Variants in ATF6 observed in about 807,000 individuals in gnomAD.
ATF6 encodes activating transcription factor 6.
In ATF6, 53 loss-of-function variants were observed where a neutral mutation model predicts 83.6. The ratio of observed to expected loss-of-function variants is 0.63; its 90% CI spans 0.51 to 0.80. ATF6 has a LOEUF of 0.80. Ranked by LOEUF, ATF6 falls within the 30% of genes least tolerant of loss-of-function variation. ATF6 has a pLI of 0.00. For synonymous variants in ATF6, 288 were observed against 285.8 expected, an observed-to-expected ratio of 1.01 and a Z score of -0.08; for missense variants, 744 against 797.9, an observed-to-expected ratio of 0.93 and a Z score of 0.81.
At chr1:161,905,157 C>T (rs528650582) in intron 14 of ATF6, among the ~76,000 whole-genome samples, 1 of 152,106 alleles carries the variant, frequency 6.6e-6, no homozygotes, top group African/African-American at 2.4e-5. Flanking sequence ...TTCTCCCCTT[C>T]CAGAAATTTG....
Position 161,912,353 on chromosome 1 carries a change from A to G in ATF6, c.1777A>G (p.Ile593Val), listed in dbSNP as rs146909535. ...CAAGACCACAAGACCAAAAATGTCA[A>G]TTGTGTTACCAGCAATAAACATAAA... is the stretch of plus-strand genomic sequence containing the variant. ...HNKTTRPKMSIVLPAININEN... is the reference protein window; with the variant it reads ...HNKTTRPKMSVVLPAININEN... Residue 593 changes from isoleucine to valine, a missense_variant, in exon 15 of 16, where the codon ATT (isoleucine) becomes GTT (valine). Ile to Val is a conservative substitution (Grantham distance 29). Transcript: ENST00000367942. 42 of 1,611,102 alleles carry G rather than the reference A, an allele frequency of 2.6e-5. No homozygotes were observed. Among genetic ancestry groups the G allele is most frequent in the African/African-American group, 5.3e-5 (4 of 74,846 alleles).
Position 161,793,103 on chromosome 1 carries a change from TAAACACCAATG to T in ATF6, c.688+777_688+787del, listed in dbSNP as rs1684922769. ...GCGATAATGGGGTATGGGTTGTAAATAAACACCAATGTTACATTTGTACTGTATCTCCAATT... is the reference window on the plus strand; with the variant it reads ...GCGATAATGGGGTATGGGTTGTAAATTTACATTTGTACTGTATCTCCAATT... On this transcript the variant is annotated intron_variant, in intron 6 of 15. Transcript: ENST00000367942. 3.9e-5 allele frequency among the ~76,000 whole-genome samples: 6 copies of T among 152,212 alleles called. 1 individual carries two copies. The highest frequency in any genetic ancestry group is 3.9e-4 in the Admixed American group (6 of 15,288).
rs540020432 is a variant in ATF6, at chr1:161,820,338, T to C, written c.1095+520T>C. On this transcript the variant is annotated intron_variant, in intron 8 of 15. Transcript: ENST00000367942. ...AATGGGGCTTCTTACACTCTTTTTC[T>C]CTTGGCCCTGAGTACATGGGAATAC... Among the ~76,000 whole-genome samples, 3 of 152,316 alleles carry C rather than the reference T, an allele frequency of 2.0e-5. No homozygotes were observed. The East Asian group carries it at 5.8e-4, about 29-fold the overall frequency.
At chr1:161,877,566 T>C (rs1000278552) in intron 14 of ATF6, among the ~76,000 whole-genome samples, 1 of 151,870 alleles carries the variant, frequency 6.6e-6, no homozygotes, top group Non-Finnish European at 1.5e-5. Context: ...GTTTGGGAGA[T>C]TGGAAGGGGC....
chr1:161,804,540 T>G (rs1378160879), intron 7 of ATF6, among the ~76,000 whole-genome samples: 3 of 152,188 alleles, frequency 2.0e-5, no homozygotes, highest in Non-Finnish European at 2.9e-5. Context: ...GGTTGTTATG[T>G]GGAAAATAGA....
At chr1:161,851,644 C>T (rs1268008929) in intron 10 of ATF6, 78 bp from the exon 11 acceptor site, 11 of 926,882 alleles carry the variant, frequency 1.2e-5, no homozygotes, top group Non-Finnish European at 1.9e-5. Context: ...AAAGTTAACA[C>T]TAATGATGAT....
intron 9 of ATF6, among the ~76,000 whole-genome samples, chr1:161,836,899 A>G (rs1019719429): frequency 3.9e-5 from 6 of 152,188 alleles, no homozygotes; most frequent in Non-Finnish European, 7.3e-5. Context: ...TCTGCTTTCT[A>G]CCTAGTGAGA....
chr1:161,911,561 A>G (rs1049508364), intron 14 of ATF6, among the ~76,000 whole-genome samples: 1 of 152,226 alleles, frequency 6.6e-6, no homozygotes, highest in African/African-American at 2.4e-5. Flanking sequence ...ATGTATTTAT[A>G]ATTCTTTAAC....
chr1:161,766,475 T>C, intron 1 of ATF6, 33 bp downstream of exon 1: 1 of 1,604,514 alleles, frequency 6.2e-7, no homozygotes, highest in South Asian at 1.1e-5. Context: ...CCAGGGTGGC[T>C]CGGGTTCGCG....
intron 9 of ATF6, among the ~76,000 whole-genome samples, chr1:161,822,264 T>C (rs1685782796): frequency 6.6e-6 from 1 of 152,102 alleles, no homozygotes; most frequent in African/African-American, 2.4e-5. Flanking sequence ...GGGACACCAG[T>C]ATGAATAGTA....
intron 14 of ATF6, among the ~76,000 whole-genome samples, chr1:161,889,215 G>A (rs1384327102): frequency 2.6e-5 from 4 of 152,202 alleles, no homozygotes; most frequent in Non-Finnish European, 5.9e-5. Flanking sequence ...TCCCTTTCAG[G>A]ACTAAAGGGT....
intron 14 of ATF6, among the ~76,000 whole-genome samples, chr1:161,899,737 A>G (rs1232853147): frequency 1.3e-5 from 2 of 151,994 alleles, no homozygotes; most frequent in Non-Finnish European, 2.9e-5. Context: ...ATTGGTGGAA[A>G]TTTTTCTCTG....
At chr1:161,947,131 C>T (rs899786618) in intron 15 of ATF6, among the ~76,000 whole-genome samples, 1 of 152,096 alleles carries the variant, frequency 6.6e-6, no homozygotes, top group African/African-American at 2.4e-5. Context: ...AGACTTTATT[C>T]AAGGGAGGCT....
At chr1:161,934,611 C>T (rs1301663564) in intron 15 of ATF6, among the ~76,000 whole-genome samples, 1 of 152,184 alleles carries the variant, frequency 6.6e-6, no homozygotes, top group Non-Finnish European at 1.5e-5. Context: ...GGTGTTTCTG[C>T]TTCTTCTAAA....
At chr1:161,806,514 G>A (rs1685285829) in intron 7 of ATF6, among the ~76,000 whole-genome samples, 1 of 152,148 alleles carries the variant, frequency 6.6e-6, no homozygotes, top group African/African-American at 2.4e-5. Flanking sequence ...GGGAATAATG[G>A]AAAGAAAAGT....
intron 2 of ATF6, among the ~76,000 whole-genome samples, chr1:161,781,437 AAG>A (rs1309605493): frequency 3.3e-5 from 5 of 152,210 alleles, no homozygotes; most frequent in African/African-American, 1.2e-4. Context: ...GTAGAAAAAA[AAG>A]AAAATTACTC....
intron 2 of ATF6, among the ~76,000 whole-genome samples, chr1:161,781,491 A>T (rs778006554): frequency 2.0e-5 from 3 of 152,190 alleles, no homozygotes; most frequent in Non-Finnish European, 4.4e-5. Flanking sequence ...TGTCTTTTGG[A>T]TATATCTATA....
intron 14 of ATF6, among the ~76,000 whole-genome samples, chr1:161,885,561 T>A (rs1351391418): frequency 6.6e-6 from 1 of 152,164 alleles, no homozygotes; most frequent in Non-Finnish European, 1.5e-5. Flanking sequence ...TCCTGTTAGA[T>A]TTCCAAAATG....
At chr1:161,803,909 G>A (rs1485177735) in intron 7 of ATF6, among the ~76,000 whole-genome samples, 2 of 151,724 alleles carry the variant, frequency 1.3e-5, no homozygotes, top group Non-Finnish European at 1.5e-5. Flanking sequence ...AGTTACATAT[G>A]TATACATGTG....
Sources: gnomAD v4.1 joint callset for allele counts (sites outside exome capture counted in the v4.1 genomes callset) on GRCh38, gnomAD v4.1.1 for gene constraint, MANE v1.5 for transcripts, NCBI Gene and HGNC (gene_info 2026-07-23, HGNC 2026-07-21) for gene names.